PTPRJ: variants seen among roughly 807,000 people sequenced by gnomAD.
PTPRJ encodes the protein receptor-type tyrosine-protein phosphatase eta.
PTPRJ carries 129 observed loss-of-function variants against 141.3 expected under a neutral mutation model. The observed-to-expected ratio is 0.91, with a 90% CI of 0.79 to 1.06. The LOEUF (loss-of-function observed/expected upper bound fraction) is 1.06, where lower values mean the gene tolerates loss of function less well. Among genes scored for constraint, PTPRJ ranks in the 50% least tolerant of loss-of-function variants. The probability of loss-of-function intolerance (pLI) is 0.00; values close to 1 mark genes in which losing one functional copy is unlikely to be tolerated. For synonymous variants in PTPRJ, 610 were observed against 640.5 expected (o/e 0.95, Z 0.72); for missense variants, 1,601 against 1,679.7 (o/e 0.95, Z 0.82).
At chr11:48,053,288 A>T (rs189041110) in intron 1 of PTPRJ, among the ~76,000 whole-genome samples, 7,972 of 89,260 alleles carry the variant, frequency 0.089, 466 homozygotes, top group Non-Finnish European at 0.12. Context: ...TAAATATATA[A>T]AAATATATAA....
chr11:48,093,451 A>G (rs1855922217), intron 1 of PTPRJ, among the ~76,000 whole-genome samples: 1 of 152,204 alleles, frequency 6.6e-6, no homozygotes, highest in Non-Finnish European at 1.5e-5. Flanking sequence ...TGCCAGCTTA[A>G]CTTGTTTTTA....
chr11:48,009,814 T>C (rs923485151), intron 1 of PTPRJ, among the ~76,000 whole-genome samples: 1 of 152,318 alleles, frequency 6.6e-6, no homozygotes, highest in East Asian at 1.9e-4. Flanking sequence ...CCTTATCTCT[T>C]TGGGTTGTTG....
At chr11:47,984,149 G>C (rs1350599832) in intron 1 of PTPRJ, among the ~76,000 whole-genome samples, 1 of 152,160 alleles carries the variant, frequency 6.6e-6, no homozygotes, top group Non-Finnish European at 1.5e-5. Context: ...CTTCAAGTTG[G>C]GCCCCACGAT....
intron 1 of PTPRJ, among the ~76,000 whole-genome samples, chr11:48,032,659 T>C (rs2134226341): frequency 6.6e-6 from 1 of 152,300 alleles, no homozygotes; most frequent in Middle Eastern, 3.4e-3. Flanking sequence ...CTCGGGAGGC[T>C]GAAGCAGGAG....
intron 1 of PTPRJ, among the ~76,000 whole-genome samples, chr11:48,058,615 C>T (rs1470491043): frequency 1.3e-5 from 2 of 152,142 alleles, no homozygotes; most frequent in South Asian, 2.1e-4. Flanking sequence ...CTACTTCTCA[C>T]CTCTCCCCAG....
intron 10 of PTPRJ, among the ~76,000 whole-genome samples, chr11:48,138,603 CAGAT>C (rs1046544009): frequency 1.3e-5 from 2 of 152,170 alleles, no homozygotes; most frequent in South Asian, 2.1e-4. Context: ...TAATGGCCCT[CAGAT>C]AGAGACAAAT....
At chr11:48,093,521 T>C (rs185974777) in intron 1 of PTPRJ, among the ~76,000 whole-genome samples, 6 of 152,320 alleles carry the variant, frequency 3.9e-5, no homozygotes, top group South Asian at 2.1e-4. Context: ...TGTTAAACTT[T>C]TACCATTTGC....
intron 1 of PTPRJ, among the ~76,000 whole-genome samples, chr11:48,086,353 G>A (rs780435753): frequency 9.2e-5 from 14 of 152,250 alleles, no homozygotes; most frequent in Non-Finnish European, 1.5e-4. Context: ...TGTAGTTTTA[G>A]TAGAGACGGG....
At chr11:48,070,082 G>A (rs1192361681) in intron 1 of PTPRJ, among the ~76,000 whole-genome samples, 1 of 152,174 alleles carries the variant, frequency 6.6e-6, no homozygotes, top group Non-Finnish European at 1.5e-5. Context: ...CAGCCAGTTG[G>A]TCCTTTTGTG....
chr11:48,121,326 G>C, intron 4 of PTPRJ, 60 bp downstream of exon 4: 1 of 1,542,142 alleles, frequency 6.5e-7, no homozygotes, highest in South Asian at 1.2e-5. Flanking sequence ...TGTATTCTAG[G>C]GCCTTGTCCG....
rs536819046 is a variant in PTPRJ at position 48,052,010 on chromosome 11, C to T, written c.97-58048C>T. Among the ~76,000 whole-genome samples the T allele has an allele frequency of 3.9e-5, 6 of 152,212 alleles. No individual in the cohort carries two copies. The East Asian group carries it at 1.2e-3, about 29-fold the overall frequency. ...CAGTGATGATAGTGACAATAAAGAT[C>T]GATGATGATGATGATGGCGATGGTG... is the stretch of plus-strand genomic sequence containing the variant. On this transcript the variant is annotated intron_variant, in intron 1 of 24. Coordinates refer to ENST00000418331, the MANE Select transcript of PTPRJ (RefSeq NM_002843.4).
intron 10 of PTPRJ, among the ~76,000 whole-genome samples, 160 bp from the exon 11 acceptor site, chr11:48,139,326 G>T (rs1857177580): frequency 6.6e-6 from 1 of 152,164 alleles, no homozygotes; most frequent in Admixed American, 6.5e-5. Context: ...ACTGACCCAA[G>T]CTCACACAGT....
intron 1 of PTPRJ, among the ~76,000 whole-genome samples, chr11:48,038,789 G>A (rs1402072998): frequency 1.3e-5 from 2 of 150,866 alleles, no homozygotes; most frequent in Admixed American, 1.3e-4. Context: ...GGTGCCCGGT[G>A]GAGTAGCCAT....
rs112897365 is a variant in PTPRJ, at chr11:48,026,023, G to A, written c.96+45015G>A. Among the ~76,000 whole-genome samples, 1,070 of 152,202 alleles carry A rather than the reference G, an allele frequency of 7.0e-3. 15 individuals are homozygous for A. Among genetic ancestry groups the A allele is most frequent in the African/African-American group, 0.024 (991 of 41,492 alleles). ...CAAAAGGCACATTCTCCCTGAAGTC[G>A]GCTACCCTCCCGACTCTGTAAATTT... is the stretch of plus-strand genomic sequence containing the variant. On this transcript the variant is annotated intron_variant, in intron 1 of 24. Coordinates refer to ENST00000418331, the MANE Select transcript of PTPRJ (RefSeq NM_002843.4).
chr11:48,135,848 G>C (rs534299430), intron 8 of PTPRJ, among the ~76,000 whole-genome samples, 191 bp from the exon 9 acceptor site: 1 of 152,316 alleles, frequency 6.6e-6, no homozygotes, highest in South Asian at 2.1e-4. Context: ...GTTCATGTGC[G>C]TCACAGAAGA....
At chr11:48,052,099 ACTTT>A (rs986311168) in intron 1 of PTPRJ, among the ~76,000 whole-genome samples, 1 of 152,190 alleles carries the variant, frequency 6.6e-6, no homozygotes, top group African/African-American at 2.4e-5. Flanking sequence ...CTTCTTCTGC[ACTTT>A]CTTTCTAGTG....
intron 3 of PTPRJ, among the ~76,000 whole-genome samples, chr11:48,117,540 C>CAAAAAAAAAAAAAA (rs71045545): frequency 1.0e-4 from 2 of 19,696 alleles, no homozygotes; most frequent in African/African-American, 4.8e-4. Context: ...GATTCTGTCT[C>CAAAAAAAAAAAAAA]AAAAAAAAAA....
At position 48,027,303 on chromosome 11, in the gene PTPRJ, G is replaced by A. The variant is rs192843316; in HGVS notation, c.96+46295G>A. ...ATTACAGGCATGAGCCACCGCGCCC[G>A]GCCCGGAATACCCTTAAAATATAGC... On this transcript the variant is annotated intron_variant, in intron 1 of 24. Transcript: ENST00000418331. Among the ~76,000 whole-genome samples the A allele has an allele frequency of 7.3e-5, 11 of 150,054 alleles. No homozygotes were observed. In the East Asian group the frequency reaches 1.9e-3, roughly 26 times the overall value.
chr11:47,984,935 C>A (rs902336861), intron 1 of PTPRJ, among the ~76,000 whole-genome samples: 3 of 150,698 alleles, frequency 2.0e-5, no homozygotes, highest in Non-Finnish European at 2.9e-5. Flanking sequence ...TCACTGCAAC[C>A]TCCGCCTCCT....
Sources: gnomAD v4.1 joint callset for allele counts (sites outside exome capture counted in the v4.1 genomes callset) on GRCh38, gnomAD v4.1.1 for gene constraint, MANE v1.5 for transcripts, NCBI Gene and HGNC (gene_info 2026-07-23, HGNC 2026-07-21) for gene names.